BCL11B: variants seen among roughly 807,000 people sequenced by gnomAD.
BCL11B encodes B-cell lymphoma/leukemia 11B.
Under a neutral mutation model 49.9 loss-of-function variants are expected in BCL11B, and 8 were observed. The observed-to-expected ratio is 0.16, with a 90% CI of 0.09 to 0.29. BCL11B has a LOEUF of 0.29. BCL11B is among the 10% of genes least tolerant of loss of function. The pLI is 1.00. For synonymous variants in BCL11B, 739 were observed against 637.4 expected (o/e 1.16, Z -2.40); for missense variants, 1,006 against 1,351.0 (o/e 0.74, Z 4.00).
chr14:99,245,664 C>A (rs1365363276), intron 2 of BCL11B, among the ~76,000 whole-genome samples: 1 of 127,190 alleles, frequency 7.9e-6, no homozygotes, highest in African/African-American at 3.1e-5. Context: ...GCCACCCCGG[C>A]GAAGCGACCC....
Position 99,213,705 on chromosome 14 carries a change from G to A in BCL11B, c.640+17640C>T, listed in dbSNP as rs564738385. ...CTAAGGGGAAGGCATAGAGTCCAGC[G>A]TCAGCCACACGTGTCCTAGCTCAGC... On this transcript the variant is annotated intron_variant, in intron 3 of 3. Coordinates refer to ENST00000357195, the MANE Select transcript of BCL11B (RefSeq NM_138576.4). This position sits in a 1 kb window ranked among gnomAD's most constrained non-coding sequence, Gnocchi z 5.1. Among the ~76,000 whole-genome samples the A allele has an allele frequency of 7.2e-5, 11 of 152,290 alleles. No homozygotes were observed. The highest frequency in any genetic ancestry group is 1.9e-4 in the African/African-American group (8 of 41,568).
intron 3 of BCL11B, among the ~76,000 whole-genome samples, chr14:99,188,537 C>CCTGGGG (rs71110575): frequency 0.12 from 16,645 of 136,066 alleles, 1,222 homozygotes; most frequent in East Asian, 0.16. Flanking sequence ...CAATGGCTGG[C>CCTGGGG]CTGGGGCTGG....
intron 2 of BCL11B, among the ~76,000 whole-genome samples, chr14:99,250,903 CTG>C (rs933882631): frequency 1.3e-5 from 2 of 151,558 alleles, no homozygotes; most frequent in African/African-American, 4.9e-5. Context: ...CCAGTATTGT[CTG>C]TCTTTTTTTT....
At position 99,263,759 on chromosome 14, in the gene BCL11B, G is replaced by A. The variant is rs186618507; in HGVS notation, c.59-5920C>T. Among the ~76,000 whole-genome samples the A allele has an allele frequency of 2.3e-3, 352 of 151,816 alleles. 1 individual carries two copies. The highest frequency in any genetic ancestry group is 8.0e-3 in the African/African-American group (330 of 41,380). ...AGGAGTCTGGGTCTCCCCAGCACAA[G>A]AGCAGAAAAAAGAATAATGCACACA... On this transcript the variant is annotated intron_variant, in intron 1 of 3. Transcript: ENST00000357195.
At position 99,205,100 on chromosome 14, in the gene BCL11B, CATA is replaced by C. The variant is rs1173743483; in HGVS notation, c.640+26242_640+26244del. 6.6e-6 allele frequency among the ~76,000 whole-genome samples: 1 copy of C among 152,004 alleles called. No homozygotes were observed. Among genetic ancestry groups the C allele is most frequent in the Non-Finnish European group, 1.5e-5 (1 of 68,012 alleles). On this transcript the variant is annotated intron_variant, in intron 3 of 3. Coordinates refer to ENST00000357195, the MANE Select transcript of BCL11B (RefSeq NM_138576.4). This position sits in a 1 kb window ranked among gnomAD's most constrained non-coding sequence, Gnocchi z 5.0. Reference sequence around the variant, plus strand: ...CCAGTTACATTACTTTGAAAGGGAGCATAATATGATCCTTCCTTAATGGAAGCA... The same window carrying C: ...CCAGTTACATTACTTTGAAAGGGAGCATATGATCCTTCCTTAATGGAAGCA...
chr14:99,257,339 G>A lies in BCL11B; in HGVS notation c.427+132C>T, dbSNP rs1889194613. Reference sequence around the variant, plus strand: ...TGGATGGTGGACCCTCAGAAAGGGGGAGCCCCGGCTGGTGGCCCAGAGGCC... The same window carrying A: ...TGGATGGTGGACCCTCAGAAAGGGGAAGCCCCGGCTGGTGGCCCAGAGGCC... On this transcript the variant is annotated intron_variant, in intron 2 of 3. Coordinates refer to ENST00000357195, the MANE Select transcript of BCL11B (RefSeq NM_138576.4). This position sits in a 1 kb window ranked among gnomAD's most constrained non-coding sequence, Gnocchi z 6.2. 8.0e-7 allele frequency: 1 copy of A among 1,251,552 alleles called. No individual in the cohort carries two copies. Among genetic ancestry groups the A allele is most frequent in the South Asian group, 1.8e-5 (1 of 55,042 alleles). 77.5% of individuals were successfully genotyped at this position (1,251,552 alleles called of 1,614,324 possible).
intron 3 of BCL11B, among the ~76,000 whole-genome samples, chr14:99,199,679 T>TGCGCGCGCGC (rs1416553945): frequency 5.7e-4 from 40 of 69,892 alleles, no homozygotes; most frequent in African/African-American, 1.6e-3. Context: ...TGTGTGTGTG[T>TGCGCGCGCGC]GTGTGCGCGC....
At position 99,184,609 on chromosome 14, in the gene BCL11B, CCA is replaced by C. The variant is rs1331071819; in HGVS notation, c.641-8416_641-8415del. On this transcript the variant is annotated intron_variant, in intron 3 of 3. Transcript: ENST00000357195. The surrounding 1 kb of genome is among the most constrained non-coding windows in gnomAD (Gnocchi z 6.1). ...CTGACCCCAGAGCGTGTGCTGGGGT[CCA>C]GACTCACAACTGGCTGCCCCTCACA... Among the ~76,000 whole-genome samples the C allele has an allele frequency of 1.3e-5, 2 of 152,034 alleles. No individual in the cohort carries two copies. Among genetic ancestry groups the C allele is most frequent in the Non-Finnish European group, 2.9e-5 (2 of 68,022 alleles).
At chr14:99,233,041 T>C (rs1300593159) in intron 2 of BCL11B, among the ~76,000 whole-genome samples, 1 of 152,132 alleles carries the variant, frequency 6.6e-6, no homozygotes, top group African/African-American at 2.4e-5. Context: ...TGGAAGGATG[T>C]GGCTGAGGAA....
rs1016553576 is a variant in BCL11B, at chr14:99,232,117, G to A, written c.428-560C>T. ...CTGTCTGGCAGACCACCAGCTGGGGGCTCTCTCCAGCCCCAAGCACTGAGC... is the reference window on the plus strand; with the variant it reads ...CTGTCTGGCAGACCACCAGCTGGGGACTCTCTCCAGCCCCAAGCACTGAGC... On this transcript the variant is annotated intron_variant, in intron 2 of 3. Transcript: ENST00000357195. This position sits in a 1 kb window ranked among gnomAD's most constrained non-coding sequence, Gnocchi z 5.1. Among the ~76,000 whole-genome samples, 14 of 152,108 alleles carry A rather than the reference G, an allele frequency of 9.2e-5. No individual in the cohort carries two copies. Among genetic ancestry groups the A allele is most frequent in the Non-Finnish European group, 1.9e-4 (13 of 68,006 alleles).
At chr14:99,202,383 A>G (rs537645651) in intron 3 of BCL11B, among the ~76,000 whole-genome samples, 10 of 152,060 alleles carry the variant, frequency 6.6e-5, no homozygotes, top group Non-Finnish European at 1.3e-4. Flanking sequence ...TTTTTCTTTT[A>G]ATAGGCCTAT....
chr14:99,255,430 A>G (rs60197907), intron 2 of BCL11B, among the ~76,000 whole-genome samples: 1 of 115,522 alleles, frequency 8.7e-6, no homozygotes, highest in Admixed American at 9.1e-5. Flanking sequence ...AAAAAAAAAA[A>G]AAAAACAGGG....
intron 1 of BCL11B, among the ~76,000 whole-genome samples, chr14:99,260,254 C>G (rs1889297080): frequency 6.6e-6 from 1 of 152,138 alleles, no homozygotes; most frequent in African/African-American, 2.4e-5. Context: ...TAAATACCAC[C>G]CTGTCCAGGC....
chr14:99,211,552 A>G (rs1467843098), intron 3 of BCL11B, among the ~76,000 whole-genome samples: 1 of 152,178 alleles, frequency 6.6e-6, no homozygotes, highest in African/African-American at 2.4e-5. Flanking sequence ...GCACACAGAC[A>G]TATGTGCACA....
chr14:99,258,894 G>GC (rs1566833674), intron 1 of BCL11B, among the ~76,000 whole-genome samples: 1 of 151,800 alleles, frequency 6.6e-6, no homozygotes, highest in African/African-American at 2.4e-5. Context: ...TTTCTCTTGG[G>GC]TTTTTTTTGT....
rs181620784 is a variant in BCL11B at position 99,218,971 on chromosome 14, C to T, written c.640+12374G>A. ...CAGGGAATCAGGGAGCACGGCCCTG[C>T]CGACCCCTCCATCTTGGACCTGTGG... On this transcript the variant is annotated intron_variant, in intron 3 of 3. Transcript: ENST00000357195. 1.7e-3 allele frequency among the ~76,000 whole-genome samples: 266 copies of T among 152,298 alleles called. 2 individuals are homozygous for T. Among genetic ancestry groups the T allele is most frequent in the Admixed American group, 4.6e-3 (71 of 15,304 alleles).
At chr14:99,219,657 G>A (rs1887953035) in intron 3 of BCL11B, among the ~76,000 whole-genome samples, 1 of 152,000 alleles carries the variant, frequency 6.6e-6, no homozygotes, top group Non-Finnish European at 1.5e-5. Flanking sequence ...TTCCAAATAC[G>A]GGGCTCCTTC....
chr14:99,251,829 A>C (rs1274394566), intron 2 of BCL11B, among the ~76,000 whole-genome samples: 3 of 152,150 alleles, frequency 2.0e-5, no homozygotes, highest in African/African-American at 4.8e-5. Flanking sequence ...CACCAGCCAG[A>C]CAGACAGAGT....
Position 99,190,309 on chromosome 14 carries a change from A to T in BCL11B, c.641-14114T>A, listed in dbSNP as rs531197538. Among the ~76,000 whole-genome samples, 22 of 152,280 alleles carry T rather than the reference A, an allele frequency of 1.4e-4. No homozygotes were observed. In the South Asian group the frequency reaches 4.6e-3, roughly 32 times the overall value. On this transcript the variant is annotated intron_variant, in intron 3 of 3. Coordinates refer to ENST00000357195, the MANE Select transcript of BCL11B (RefSeq NM_138576.4). The stretch of plus-strand genomic sequence containing the variant: ...CAAGACCATCTTGGCTAATACAGTG[A>T]AACCCCGTCTCTACTAAAAATACAA...
Sources: gnomAD v4.1 joint callset for allele counts (sites outside exome capture counted in the v4.1 genomes callset) on GRCh38, gnomAD v4.1.1 for gene constraint, Gnocchi (gnomAD v3.1) non-coding constraint, MANE v1.5 for transcripts, NCBI Gene and HGNC (gene_info 2026-07-23, HGNC 2026-07-21) for gene names.